Variants in MCTS1 observed in about 807,000 individuals in gnomAD.
MCTS1 encodes the protein malignant T-cell-amplified sequence 1.
For missense variants in MCTS1, 55 were observed against 128.6 expected, an observed-to-expected ratio of 0.43 and a Z score of 2.77; for synonymous variants, 26 against 40.8, an observed-to-expected ratio of 0.64 and a Z score of 1.38.
rs1275090365 is a variant in MCTS1, at chrX:120,617,337, G to A, written c.*5073G>A. On this transcript the variant is annotated 3_prime_UTR_variant, in exon 6 of 6. Coordinates refer to ENST00000371317, the MANE Select transcript of MCTS1 (RefSeq NM_014060.3). ...CTCCCGAGTAGCTGGGATCCCATGC[G>A]TGTGCCACCACACCTAGCTAATTTT... 9.0e-6 allele frequency among the ~76,000 whole-genome samples: 1 copy of A among 110,658 alleles called. No homozygotes were observed. The highest frequency in any genetic ancestry group is 3.3e-5 in the African/African-American group (1 of 30,389).
In MCTS1 at chrX:120,615,406, A is replaced by T. The variant is rs961001884; in HGVS notation, c.*3142A>T. On this transcript the variant is annotated 3_prime_UTR_variant, in exon 6 of 6. Transcript: ENST00000371317. ...ATTTATTGAGTATCTACTAGGTTCT[A>T]AGTGACGTGGCATGAAGATGAATAA... 2.7e-5 allele frequency among the ~76,000 whole-genome samples: 3 copies of T among 111,645 alleles called. No individual in the cohort carries two copies. Among genetic ancestry groups the T allele is most frequent in the Non-Finnish European group, 5.6e-5 (3 of 53,151 alleles).
At position 120,612,177 on chromosome X, in the gene MCTS1, C is replaced by A. The variant is rs1303671637; in HGVS notation, c.465-6C>A. ...GTATGTTTATGTGTTTTTTTTCCTT[C>A]TACAGTGAGAAAGTCAACAAAGGAA... On this transcript the variant is annotated splice_polypyrimidine_tract_variant and splice_region_variant and intron_variant, in intron 5 of 5. Transcript: ENST00000371317. 3 of 1,180,896 alleles carry A rather than the reference C, an allele frequency of 2.5e-6. No individual in the cohort carries two copies. The highest frequency in any genetic ancestry group is 3.4e-6 in the Non-Finnish European group (3 of 872,396).
chrX:120,609,248 T>A (rs1177755131), intron 4 of MCTS1, among the ~76,000 whole-genome samples: 2 of 111,843 alleles, frequency 1.8e-5, no homozygotes, highest in Non-Finnish European at 1.9e-5. Context: ...AGTGGCACGA[T>A]CTTGTCTCAC....
intron 3 of MCTS1, 78 bp from the exon 4 acceptor site, chrX:120,608,147 A>G: frequency 1.3e-6 from 1 of 745,372 alleles, no homozygotes. Context: ...AATTTGGGGA[A>G]ATACTGTTCA....
rs763132546 is a variant in MCTS1 at position 120,619,062 on chromosome X, T to C, written c.*6798T>C. Among the ~76,000 whole-genome samples, 10 of 112,332 alleles carry C rather than the reference T, an allele frequency of 8.9e-5. No individual in the cohort carries two copies. Among genetic ancestry groups the C allele is most frequent in the Non-Finnish European group, 1.9e-4 (10 of 53,297 alleles). On this transcript the variant is annotated 3_prime_UTR_variant, in exon 6 of 6. Coordinates refer to ENST00000371317, the MANE Select transcript of MCTS1 (RefSeq NM_014060.3). ...TTTGGCTCTAATGTCTAATTTGTTG[T>C]GAAAGGGGAAGATGTTCTAAGCTAA...
intron 5 of MCTS1, among the ~76,000 whole-genome samples, chrX:120,611,784 G>T (rs1926693069): frequency 8.9e-6 from 1 of 111,905 alleles, no homozygotes; most frequent in Non-Finnish European, 1.9e-5. Flanking sequence ...ATCCTGACCT[G>T]GTAATACAAG....
In MCTS1 at chrX:120,618,609, G is replaced by T. The variant is rs1358648374; in HGVS notation, c.*6345G>T. ...AAGTAGAAACAGCTTCATTTAATGGGATAATAGCAATCTCTAACCCATCAA... is the reference window on the plus strand; with the variant it reads ...AAGTAGAAACAGCTTCATTTAATGGTATAATAGCAATCTCTAACCCATCAA... On this transcript the variant is annotated 3_prime_UTR_variant, in exon 6 of 6. Coordinates refer to ENST00000371317, the MANE Select transcript of MCTS1 (RefSeq NM_014060.3). 4.5e-5 allele frequency among the ~76,000 whole-genome samples: 5 copies of T among 112,181 alleles called. No individual in the cohort carries two copies. The highest frequency in any genetic ancestry group is 1.9e-4 in the Admixed American group (2 of 10,519).
rs1342436484 is a variant in MCTS1 at position 120,614,009 on chromosome X, C to A, written c.*1745C>A. Among the ~76,000 whole-genome samples the A allele has an allele frequency of 8.9e-6, 1 of 112,183 alleles. No homozygotes were observed. Among genetic ancestry groups the A allele is most frequent in the Non-Finnish European group, 1.9e-5 (1 of 53,300 alleles). The stretch of plus-strand genomic sequence containing the variant: ...TGTGATTTTATTTTTCAGATGGATA[C>A]AGACATATACAAGATTGTGGTGACC... On this transcript the variant is annotated 3_prime_UTR_variant, in exon 6 of 6. Transcript: ENST00000371317.
rs1373727728 is a variant in MCTS1, at chrX:120,612,671, GTGTGTGTGTGTGTGTA to G, written c.*423_*438del. On this transcript the variant is annotated 3_prime_UTR_variant, in exon 6 of 6. Coordinates refer to ENST00000371317, the MANE Select transcript of MCTS1 (RefSeq NM_014060.3). ...GCAGTGCTCATTCTCGTGTGTGTGT[GTGTGTGTGTGTGTGTA>G]TGTGTGTGTGTGTGTGTGTGTGTGT... 1.4e-5 allele frequency among the ~76,000 whole-genome samples: 1 copy of G among 69,258 alleles called. No homozygotes were observed. Among genetic ancestry groups the G allele is most frequent in the Non-Finnish European group, 2.6e-5 (1 of 38,370 alleles). The allele number at this position is 69,258 out of a possible 115,157, so 60.1% of individuals were successfully genotyped here.
chrX:120,618,249 C>T lies in MCTS1; in HGVS notation c.*5985C>T, dbSNP rs1012883750. Among the ~76,000 whole-genome samples, 3 of 112,170 alleles carry T rather than the reference C, an allele frequency of 2.7e-5. No homozygotes were observed. Among genetic ancestry groups the T allele is most frequent in the East Asian group, 2.8e-4 (1 of 3,619 alleles). On this transcript the variant is annotated 3_prime_UTR_variant, in exon 6 of 6. Transcript: ENST00000371317. ...TGGAGCTTGAGATGTCTGTTCCTGCCGACTGATGTTTTAACAAATTTTTAG... is the reference window on the plus strand; with the variant it reads ...TGGAGCTTGAGATGTCTGTTCCTGCTGACTGATGTTTTAACAAATTTTTAG...
rs759446371 is a variant in MCTS1 at position 120,604,212 on chromosome X, A to G, written c.-25A>G. Reference sequence around the variant, plus strand: ...TCTTTCCCATTCCGGGCCCTTCCCTATCGTCGCCCCCTTCACCTTGGATCA... The same window carrying G: ...TCTTTCCCATTCCGGGCCCTTCCCTGTCGTCGCCCCCTTCACCTTGGATCA... On this transcript the variant is annotated 5_prime_UTR_variant, in exon 1 of 6. Transcript: ENST00000371317. The G allele has an allele frequency of 8.3e-6, 10 of 1,199,535 alleles. 1 individual carries two copies. The highest frequency in any genetic ancestry group is 7.1e-5 in the South Asian group (4 of 56,134).
rs763945946 is a variant in MCTS1 at position 120,606,784 on chromosome X, C to CAAA, written c.262+629_262+631dup. 3.4e-3 allele frequency among the ~76,000 whole-genome samples: 132 copies of CAAA among 38,340 alleles called. 4 individuals are homozygous for CAAA. Among genetic ancestry groups the CAAA allele is most frequent in the South Asian group, 9.0e-3 (5 of 558 alleles). The allele number at this position is 38,340 out of a possible 115,157, so 33.3% of individuals were successfully genotyped here. The stretch of plus-strand genomic sequence containing the variant: ...GGGGAACAAGAGCGAGACTTAGTCT[C>CAAA]AAAAAAAAAAAAAAAAAAAAAAAGA... On this transcript the variant is annotated intron_variant, in intron 3 of 5. Coordinates refer to ENST00000371317, the MANE Select transcript of MCTS1 (RefSeq NM_014060.3).
In MCTS1 at chrX:120,612,491, C is replaced by T. The variant is rs760837914; in HGVS notation, c.*227C>T. Reference sequence around the variant, plus strand: ...TATCTGGTAAGTAAGCAAACTCATACAACTAATGTCCTTTCTTAGGCTAAT... The same window carrying T: ...TATCTGGTAAGTAAGCAAACTCATATAACTAATGTCCTTTCTTAGGCTAAT... On this transcript the variant is annotated 3_prime_UTR_variant, in exon 6 of 6. Transcript: ENST00000371317. 225 of 324,881 alleles carry T rather than the reference C, an allele frequency of 6.9e-4. No individual in the cohort carries two copies. In the East Asian group the frequency reaches 0.012, roughly 18 times the overall value. 26.8% of individuals were successfully genotyped at this position (324,881 alleles called of 1,213,427 possible).
chrX:120,610,053 G>C (rs1458837137), intron 4 of MCTS1, among the ~76,000 whole-genome samples: 3 of 112,301 alleles, frequency 2.7e-5, no homozygotes, highest in Non-Finnish European at 5.6e-5. Context: ...CGGGTGTGGT[G>C]GCTCATGCCT....
At chrX:120,610,092 C>T (rs1002395722) in intron 4 of MCTS1, among the ~76,000 whole-genome samples, 2 of 111,917 alleles carry the variant, frequency 1.8e-5, no homozygotes, top group Non-Finnish European at 3.8e-5. Context: ...GAGGCTGAGG[C>T]GGGCAGATCA....
At chrX:120,608,858 T>C (rs1262434762) in intron 4 of MCTS1, among the ~76,000 whole-genome samples, 2 of 112,075 alleles carry the variant, frequency 1.8e-5, no homozygotes, top group Non-Finnish European at 3.8e-5. Flanking sequence ...GTGGGAAATA[T>C]TGGCAACCTC....
At position 120,619,390 on chromosome X, in the gene MCTS1, C is replaced by T. The variant is rs1455097986; in HGVS notation, c.*7126C>T. On this transcript the variant is annotated 3_prime_UTR_variant, in exon 6 of 6. Coordinates refer to ENST00000371317, the MANE Select transcript of MCTS1 (RefSeq NM_014060.3). ...ATTCTCCAAGTACCTACCATGTGCA[C>T]AAGCTCTACTTATATATCTTGCTTA... Among the ~76,000 whole-genome samples the T allele has an allele frequency of 9.0e-6, 1 of 110,777 alleles. No homozygotes were observed. Among genetic ancestry groups the T allele is most frequent in the Non-Finnish European group, 1.9e-5 (1 of 52,933 alleles).
chrX:120,612,357 T>C lies in MCTS1; in HGVS notation c.*93T>C, dbSNP rs776375369. The C allele has an allele frequency of 4.6e-5, 27 of 583,197 alleles. No homozygotes were observed. The highest frequency in any genetic ancestry group is 7.1e-5 in the Non-Finnish European group (27 of 381,654). 48.1% of individuals were successfully genotyped at this position (583,197 alleles called of 1,213,427 possible). On this transcript the variant is annotated 3_prime_UTR_variant, in exon 6 of 6. Coordinates refer to ENST00000371317, the MANE Select transcript of MCTS1 (RefSeq NM_014060.3). Reference sequence around the variant, plus strand: ...GACAGCATGAAGATAATGCCTGTGGTTATGCTGAATAAATTCACCAGATGC... The same window carrying C: ...GACAGCATGAAGATAATGCCTGTGGCTATGCTGAATAAATTCACCAGATGC...
At position 120,615,659 on chromosome X, in the gene MCTS1, A is replaced by C. The variant is rs2147377351; in HGVS notation, c.*3395A>C. On this transcript the variant is annotated 3_prime_UTR_variant, in exon 6 of 6. Transcript: ENST00000371317. Reference sequence around the variant, plus strand: ...AATGTGAGGGTAAAAAAAAAATCCCAGATGTCTTGGAGTTGCCGTGATTCA... The same window carrying C: ...AATGTGAGGGTAAAAAAAAAATCCCCGATGTCTTGGAGTTGCCGTGATTCA... Among the ~76,000 whole-genome samples, 1 of 111,438 alleles carries C rather than the reference A, an allele frequency of 9.0e-6. No individual in the cohort carries two copies.
Sources: gnomAD v4.1 joint callset for allele counts (sites outside exome capture counted in the v4.1 genomes callset) on GRCh38, gnomAD v4.1.1 for gene constraint, MANE v1.5 for transcripts, NCBI Gene and HGNC (gene_info 2026-07-23, HGNC 2026-07-21) for gene names.